CNOT4: variants seen among roughly 807,000 people sequenced by gnomAD.
CNOT4 encodes the protein CCR4-associated factor 4.
In CNOT4, 8 loss-of-function variants were observed where a neutral mutation model predicts 73.8. The ratio of observed to expected loss-of-function variants is 0.11; its 90% CI spans 0.06 to 0.20. The LOEUF is 0.20. Among genes scored for constraint, CNOT4 ranks in the 10% least tolerant of loss-of-function variants. The pLI is 1.00. For synonymous variants in CNOT4, 293 were observed against 321.1 expected, an observed-to-expected ratio of 0.91 and a Z score of 0.94; for missense variants, 564 against 883.4, an observed-to-expected ratio of 0.64 and a Z score of 4.58.
At chr7:135,473,367 CA>C (rs995013804) in intron 1 of CNOT4, among the ~76,000 whole-genome samples, 1 of 151,456 alleles carries the variant, frequency 6.6e-6, no homozygotes, top group Non-Finnish European at 1.5e-5. Flanking sequence ...CTAAATAAAA[CA>C]AAAAAAATAA....
intron 8 of CNOT4, 37 bp from the exon 9 acceptor site, chr7:135,395,920 T>G (rs561008472): frequency 1.4e-6 from 2 of 1,435,680 alleles, no homozygotes; most frequent in African/African-American, 2.8e-5. Context: ...AACTACATGT[T>G]TATACATTTT....
chr7:135,508,443 T>C (rs1293778357), intron 1 of CNOT4, among the ~76,000 whole-genome samples: 1 of 152,254 alleles, frequency 6.6e-6, no homozygotes, highest in Admixed American at 6.5e-5. Context: ...TTGTCATTCT[T>C]TTCCCAGCCC....
At chr7:135,454,000 A>ATATATG (rs1859325632) in intron 1 of CNOT4, among the ~76,000 whole-genome samples, 1 of 144,694 alleles carries the variant, frequency 6.9e-6, no homozygotes, top group African/African-American at 2.5e-5. Context: ...ATATATATAT[A>ATATATG]TATATATATT....
chr7:135,435,969 AC>A (rs61570274), intron 2 of CNOT4, among the ~76,000 whole-genome samples: 152,106 of 152,106 alleles, frequency 1, 76,053 homozygotes, highest in Non-Finnish European at 1. Context: ...ACCATACTTG[AC>A]CCAACTACAC....
intron 10 of CNOT4, among the ~76,000 whole-genome samples, chr7:135,391,528 A>G (rs1223325591): frequency 2.0e-5 from 3 of 151,960 alleles, no homozygotes; most frequent in Admixed American, 2.0e-4. Flanking sequence ...CATTTTTAGC[A>G]TCTCTGAAAA....
intron 1 of CNOT4, among the ~76,000 whole-genome samples, chr7:135,494,058 C>G (rs1278561977): frequency 7.1e-6 from 1 of 139,994 alleles, no homozygotes; most frequent in Non-Finnish European, 1.6e-5. Context: ...TTCAAGAAAA[C>G]CTGTACCAAA....
chr7:135,453,786 AT>A (rs1294275007), intron 1 of CNOT4, among the ~76,000 whole-genome samples: 1 of 140,996 alleles, frequency 7.1e-6, no homozygotes, highest in Non-Finnish European at 1.5e-5. Context: ...GGATACAAAA[AT>A]ATTTTTATAT....
chr7:135,366,650 G>A (rs1256867111), intron 10 of CNOT4, among the ~76,000 whole-genome samples: 1 of 152,206 alleles, frequency 6.6e-6, no homozygotes. Flanking sequence ...CATTTTGGGA[G>A]CCTGACAGCA....
intron 10 of CNOT4, chr7:135,388,983 T>C: frequency 8.1e-7 from 1 of 1,234,126 alleles, no homozygotes. Flanking sequence ...GGAATACTGA[T>C]ACATATATAA....
intron 1 of CNOT4, among the ~76,000 whole-genome samples, chr7:135,482,621 A>C (rs1802455228): frequency 6.6e-6 from 1 of 152,038 alleles, no homozygotes; most frequent in African/African-American, 2.4e-5. Flanking sequence ...ATATCACAAA[A>C]AAAGGAAAAA....
At position 135,504,782 on chromosome 7, in the gene CNOT4, G is replaced by A. The variant is rs544977866; in HGVS notation, c.-93+5107C>T. 3.1e-3 allele frequency among the ~76,000 whole-genome samples: 223 copies of A among 72,392 alleles called. 57 individuals are homozygous for A. Among genetic ancestry groups the A allele is most frequent in the African/African-American group, 0.015 (215 of 14,642 alleles). The allele number at this position is 72,392 out of a possible 152,430, so 47.5% of individuals were successfully genotyped here. On this transcript the variant is annotated intron_variant, in intron 1 of 11. Coordinates refer to ENST00000541284, the MANE Select transcript of CNOT4 (RefSeq NM_001190850.2). ...ATTACAGGCGTGAGCCACCGCGCCC[G>A]GCCCATCCGGCTAATTTTTGTATTT...
intron 7 of CNOT4, among the ~76,000 whole-genome samples, chr7:135,402,260 C>T (rs1013606324): frequency 3.0e-4 from 45 of 151,988 alleles, no homozygotes; most frequent in African/African-American, 1.1e-3. Flanking sequence ...CGGATGTATG[C>T]CACCATGCCT....
intron 10 of CNOT4, chr7:135,387,626 C>T (rs1796188688): frequency 1.0e-6 from 1 of 983,608 alleles, no homozygotes; most frequent in Non-Finnish European, 1.2e-6. Flanking sequence ...TGTGACTTTC[C>T]CTTTCTTCCC....
intron 10 of CNOT4, chr7:135,388,683 T>G (rs1298032587): frequency 1.4e-6 from 2 of 1,395,310 alleles, no homozygotes; most frequent in African/African-American, 2.9e-5. Context: ...AACGTTTATA[T>G]TGGCTCTTCT....
chr7:135,375,597 G>A (rs1419854389), intron 10 of CNOT4, among the ~76,000 whole-genome samples: 2 of 152,094 alleles, frequency 1.3e-5, no homozygotes, highest in African/African-American at 4.8e-5. Flanking sequence ...ATGAGGACTC[G>A]CCTGGTAAGA....
intron 3 of CNOT4, among the ~76,000 whole-genome samples, chr7:135,421,296 A>T (rs1798179176): frequency 6.6e-6 from 1 of 152,152 alleles, no homozygotes; most frequent in Non-Finnish European, 1.5e-5. Flanking sequence ...TGTTCACTAC[A>T]ATCTTTCCTC....
chr7:135,474,862 C>G (rs1485488348), intron 1 of CNOT4, among the ~76,000 whole-genome samples: 1 of 151,894 alleles, frequency 6.6e-6, no homozygotes, highest in Non-Finnish European at 1.5e-5. Context: ...CAAATTGCCT[C>G]AATCTTTTTG....
chr7:135,418,011 C>T (rs1377323294), intron 3 of CNOT4, among the ~76,000 whole-genome samples: 1 of 152,236 alleles, frequency 6.6e-6, no homozygotes, highest in Admixed American at 6.5e-5. Flanking sequence ...TTATCTACTA[C>T]TACTTGTTTA....
intron 10 of CNOT4, among the ~76,000 whole-genome samples, chr7:135,366,593 C>A (rs1328191997): frequency 2.0e-5 from 3 of 152,136 alleles, no homozygotes; most frequent in Non-Finnish European, 2.9e-5. Flanking sequence ...GTTTATAATG[C>A]AACAATCTTG....
Sources: gnomAD v4.1 joint callset for allele counts (sites outside exome capture counted in the v4.1 genomes callset) on GRCh38, gnomAD v4.1.1 for gene constraint, MANE v1.5 for transcripts, NCBI Gene and HGNC (gene_info 2026-07-23, HGNC 2026-07-21) for gene names.